PIEZO1: variants seen among roughly 807,000 people sequenced by gnomAD.
PIEZO1 encodes the protein piezo-type mechanosensitive ion channel component 1.
PIEZO1 carries 296 observed loss-of-function variants against 297.2 expected under a neutral mutation model. That is an observed-to-expected ratio of 1.00 (90% CI 0.91 to 1.10). PIEZO1 has a LOEUF of 1.10. PIEZO1 is among the 50% of genes least tolerant of loss of function. The probability of loss-of-function intolerance (pLI) is 0.00; values close to 1 mark genes in which losing one functional copy is unlikely to be tolerated. For synonymous variants in PIEZO1, 2,427 were observed against 1,507.5 expected, an observed-to-expected ratio of 1.61 and a Z score of -14.13; for missense variants, 5,018 against 3,455.5, an observed-to-expected ratio of 1.45 and a Z score of -11.34.
At chr16:88,730,761 G>T (rs1904748396) in intron 22 of PIEZO1, among the ~76,000 whole-genome samples, 1 of 152,222 alleles carries the variant, frequency 6.6e-6, no homozygotes, top group Non-Finnish European at 1.5e-5. Context: ...AACAGTGTGT[G>T]GCCGGAGGGG....
rs1348707567 is a variant in PIEZO1 at position 88,742,356 on chromosome 16, G to A, written c.227C>T (p.Ala76Val). The A allele has an allele frequency of 6.5e-7, 1 of 1,535,414 alleles. No individual in the cohort carries two copies. ...CACAATATGCAGGCAGATCTGGAGG[G>A]CGAGATGGGCCACCAGGAAGAGCAG... ...LSLLFLVAHLALQICLHIVPR... is the reference protein window; with the variant it reads ...LSLLFLVAHLVLQICLHIVPR... Residue 76 changes from alanine to valine, a missense_variant, in exon 3 of 51, where the codon GCC becomes GTC. By Grantham distance (64) the Ala-to-Val change is moderately conservative. Transcript: ENST00000301015.
rs55766048 is a variant in PIEZO1, at chr16:88,749,264, G to A, written c.160+120C>T. 507 of 605,538 alleles carry A rather than the reference G, an allele frequency of 8.4e-4. 4 individuals are homozygous for A. In the African/African-American group the frequency reaches 8.8e-3, roughly 10 times the overall value. 37.5% of individuals were successfully genotyped at this position (605,538 alleles called of 1,614,324 possible). ...CAAAAAAAAAAAAAAATTTTATTTCGGGACCCCTCATCTTCCACCCCGGGC... is the reference window on the plus strand; with the variant it reads ...CAAAAAAAAAAAAAAATTTTATTTCAGGACCCCTCATCTTCCACCCCGGGC... On this transcript the variant is annotated intron_variant, in intron 2 of 50. Coordinates refer to ENST00000301015, the MANE Select transcript of PIEZO1 (RefSeq NM_001142864.4).
intron 22 of PIEZO1, among the ~76,000 whole-genome samples, chr16:88,729,941 G>A (rs1174061975): frequency 1.3e-5 from 2 of 152,290 alleles, no homozygotes; most frequent in Non-Finnish European, 2.9e-5. Context: ...CGATGTTGGG[G>A]AACCCAGGAC....
rs1374014816 is a variant in PIEZO1, at chr16:88,726,927, A to C, written c.3487T>G (p.Phe1163Val). The change falls in exon 25 of 51, where the codon TTC becomes GTC. Residue 1163 changes from phenylalanine to valine, a missense_variant. Transcript: ENST00000301015. ...SYLDMLKVAV[F>V]RYLFWLVLVV... ...AGCACCAGCCAGAACAGGTATCGGAAGACGGCCACCTTCAGCATGTCAAGG... is the reference window on the plus strand; with the variant it reads ...AGCACCAGCCAGAACAGGTATCGGACGACGGCCACCTTCAGCATGTCAAGG... 3 of 1,550,424 alleles carry C rather than the reference A, an allele frequency of 1.9e-6. No homozygotes were observed. Among genetic ancestry groups the C allele is most frequent in the Non-Finnish European group, 2.6e-6 (3 of 1,146,900 alleles).
At chr16:88,751,167 C>T (rs1906369926) in intron 1 of PIEZO1, among the ~76,000 whole-genome samples, 1 of 152,320 alleles carries the variant, frequency 6.6e-6, no homozygotes, top group Admixed American at 6.5e-5. Flanking sequence ...GTCCCCAAGA[C>T]CCGAGCCTCA....
intron 1 of PIEZO1, among the ~76,000 whole-genome samples, chr16:88,765,611 C>T (rs72813538): frequency 0.023 from 3,455 of 152,042 alleles, 59 homozygotes; most frequent in Non-Finnish European, 0.037. Flanking sequence ...AGGGGCTGGA[C>T]AGCAGCGCCT....
Position 88,733,399 on chromosome 16 carries a change from G to A in PIEZO1, c.2543C>T (p.Pro848Leu). The A allele has an allele frequency of 6.5e-7, 1 of 1,550,142 alleles. No homozygotes were observed. Among genetic ancestry groups the A allele is most frequent in the Non-Finnish European group, 8.7e-7 (1 of 1,146,838 alleles). The change falls in exon 19 of 51, where the codon CCA (proline) becomes CTA (leucine). Residue 848 changes from proline to leucine, a missense_variant. Physicochemically the swap from Pro to Leu is moderately conservative, Grantham distance 98. Coordinates refer to ENST00000301015, the MANE Select transcript of PIEZO1 (RefSeq NM_001142864.4). Reference protein sequence around the residue: ...VVLWAFALPYPRFRPMASCLS... With the variant: ...VVLWAFALPYLRFRPMASCLS... Reference sequence around the variant, plus strand: ...GCAGGAGGCCATGGGCCGGAAGCGTGGGTAGGGCAGGGCGAAGGCCCACAG... The same window carrying A: ...GCAGGAGGCCATGGGCCGGAAGCGTAGGTAGGGCAGGGCGAAGGCCCACAG...
At chr16:88,736,112 A>C in intron 12 of PIEZO1, 36 bp downstream of exon 12, 10 of 1,516,574 alleles carry the variant, frequency 6.6e-6, no homozygotes, top group Non-Finnish European at 8.0e-6. Context: ...GGGTCTGCGC[A>C]CCCAGGCACC....
At position 88,734,863 on chromosome 16, in the gene PIEZO1, C is replaced by A; in HGVS notation, c.1848+12G>T. 3 of 1,549,968 alleles carry A rather than the reference C, an allele frequency of 1.9e-6. No homozygotes were observed. The highest frequency in any genetic ancestry group is 2.6e-6 in the Non-Finnish European group (3 of 1,146,722). On this transcript the variant is annotated intron_variant, in intron 14 of 50. Coordinates refer to ENST00000301015, the MANE Select transcript of PIEZO1 (RefSeq NM_001142864.4). ...GTCCGTGCCCCAGCCCCCATCCCGG[C>A]CCCCCAGCCACCTGGAAGAGGGTGA...
At chr16:88,784,622 G>C (rs1908093673) in intron 1 of PIEZO1, among the ~76,000 whole-genome samples, 1 of 151,690 alleles carries the variant, frequency 6.6e-6, no homozygotes, top group Non-Finnish European at 1.5e-5. Context: ...GACGCCAGCC[G>C]CGCTATGCCC....
rs1912034811 is a variant in PIEZO1, at chr16:88,716,395, C to T, written c.7015G>A (p.Ala2339Thr). 1.3e-6 allele frequency: 2 copies of T among 1,548,058 alleles called. No individual in the cohort carries two copies. The highest frequency in any genetic ancestry group is 1.7e-6 in the Non-Finnish European group (2 of 1,145,606). Residue 2339 changes from alanine (A) to threonine (T), a missense_variant, in exon 48 of 51, where the codon GCC becomes ACC. Coordinates refer to ENST00000301015, the MANE Select transcript of PIEZO1 (RefSeq NM_001142864.4). ...APNSTARRQL[A>T]SLLEGTSDQS... The stretch of plus-strand genomic sequence containing the variant: ...TCCGAGGTGCCCTCGAGCAGGCTGG[C>T]CAGCTGCCGCCGTGCAGTGCTGTTG...
intron 1 of PIEZO1, among the ~76,000 whole-genome samples, chr16:88,782,091 A>G (rs1010545408): frequency 6.6e-5 from 10 of 152,206 alleles, no homozygotes; most frequent in Non-Finnish European, 1.5e-4. Flanking sequence ...CCATATTATC[A>G]GAATCACAAA....
chr16:88,724,819 G>C (rs926947305), intron 30 of PIEZO1, among the ~76,000 whole-genome samples, 190 bp downstream of exon 30: 4 of 152,212 alleles, frequency 2.6e-5, no homozygotes, highest in African/African-American at 9.7e-5. Context: ...GGCATAGCCA[G>C]GAGAGGACAT....
In PIEZO1 at chr16:88,721,286, G is replaced by A. The variant is rs778953524; in HGVS notation, c.5548C>T (p.Pro1850Ser). ...DHIQVEARVG[P>S]TDGTPEPQVE... The stretch of plus-strand genomic sequence containing the variant: ...TGGGGTTCTGGGGTCCCGTCCGTGG[G>A]TCCGACCCTGGCTTCCACCTGAATG... The change falls in exon 39 of 51, where the codon CCC (proline) becomes TCC (serine). Residue 1850 changes from proline to serine, a missense_variant. Coordinates refer to ENST00000301015, the MANE Select transcript of PIEZO1 (RefSeq NM_001142864.4). 2 of 1,544,670 alleles carry A rather than the reference G, an allele frequency of 1.3e-6. No individual in the cohort carries two copies. Among genetic ancestry groups the A allele is most frequent in the African/African-American group, 1.4e-5 (1 of 72,946 alleles).
chr16:88,722,741 CG>C, intron 34 of PIEZO1, 52 bp from the exon 35 acceptor site: 1 of 1,528,024 alleles, frequency 6.5e-7, no homozygotes, highest in Admixed American at 2.0e-5. Flanking sequence ...TGTCCCCACA[CG>C]GGGTTTCGTG....
chr16:88,770,510 G>A (rs1907375202), intron 1 of PIEZO1, among the ~76,000 whole-genome samples: 3 of 152,230 alleles, frequency 2.0e-5, no homozygotes, highest in African/African-American at 7.2e-5. Context: ...GTTCTCCTCA[G>A]GGGCGGCTCC....
At chr16:88,720,830 CA>C in intron 39 of PIEZO1, 82 bp from the exon 40 acceptor site, 1 of 1,380,896 alleles carries the variant, frequency 7.2e-7, no homozygotes, top group Non-Finnish European at 9.5e-7. Flanking sequence ...AAGAGGCTGG[CA>C]TTCTCCCTGT....
At position 88,720,106 on chromosome 16, in the gene PIEZO1, G is replaced by A; in HGVS notation, c.6127C>T (p.Leu2043=). 1 of 1,550,406 alleles carries A rather than the reference G, an allele frequency of 6.4e-7. No individual in the cohort carries two copies. The highest frequency in any genetic ancestry group is 8.7e-7 in the Non-Finnish European group (1 of 1,146,992). ...FQVALVLAIH[L]WMFFILPAVT... is the part of the protein sequence containing the mutation. ...GCGGGCAGGATGAAGAACATCCATA[G>A]GTGGATGGCCAGCACCAGCGCCACC... Residue 2043 remains leucine (L), a synonymous_variant, in exon 42 of 51, where the codon CTA becomes TTA. Coordinates refer to ENST00000301015, the MANE Select transcript of PIEZO1 (RefSeq NM_001142864.4).
intron 16 of PIEZO1, 131 bp downstream of exon 16, chr16:88,734,225 C>T: frequency 8.4e-7 from 1 of 1,196,004 alleles, no homozygotes. Flanking sequence ...CTGCCATCCC[C>T]TTGGTATGAG....
Sources: allele counts gnomAD v4.1 joint callset (sites outside exome capture counted in the v4.1 genomes callset), GRCh38; gene constraint gnomAD v4.1.1; transcripts MANE v1.5; gene names NCBI Gene and HGNC (gene_info 2026-07-23, HGNC 2026-07-21).